The following PAXX variants were observed in gnomAD, a reference collection of about 807,000 sequenced individuals.
PAXX encodes the protein protein PAXX.
PAXX carries 27 observed loss-of-function variants against 25.6 expected under a neutral mutation model. The ratio of observed to expected loss-of-function variants is 1.06; its 90% CI spans 0.78 to 1.46. The LOEUF (loss-of-function observed/expected upper bound fraction) is 1.46. PAXX is among the 40% of genes most tolerant of loss of function. PAXX has a pLI of 0.00. For missense variants in PAXX, 295 were observed against 280.2 expected (o/e 1.05, Z -0.38); for synonymous variants, 126 against 125.7 (o/e 1.00, Z -0.02).
intron 5 of PAXX, 40 bp from the exon 6 acceptor site, chr9:136,993,540 T>C: frequency 1.9e-6 from 3 of 1,609,528 alleles, no homozygotes; most frequent in Non-Finnish European, 2.6e-6. Flanking sequence ...GTTGGGATGC[T>C]GCCAGGTTCA....
intron 2 of PAXX, 41 bp from the exon 3 acceptor site, chr9:136,992,884 C>G (rs780263750): frequency 6.2e-7 from 1 of 1,612,844 alleles, no homozygotes; most frequent in Non-Finnish European, 8.5e-7. Flanking sequence ...CAGTGGGCCT[C>G]GGGTTCCAGG....
rs763739555 is a variant in PAXX at position 136,993,580 on chromosome 9, A to T, written c.491A>T (p.Asp164Val). 6.2e-7 allele frequency: 1 copy of T among 1,613,670 alleles called. No individual in the cohort carries two copies. The highest frequency in any genetic ancestry group is 8.5e-7 in the Non-Finnish European group (1 of 1,179,948). The change falls in exon 6 of 7, where the codon GAC becomes GTC. Residue 164 changes from aspartate to valine, a missense_variant and splice_region_variant. Transcript: ENST00000371620. ...CTGCCCCTGTCCTGTTTTCCCCCAG[A>T]CCCAGATCCCCAGAGAGGTGGCCCT... is the stretch of plus-strand genomic sequence containing the variant. ...RPAGPQLFLP[D>V]PDPQRGGPGP...
intron 4 of PAXX, 23 bp from the exon 5 acceptor site, chr9:136,993,320 T>C: frequency 1.3e-6 from 2 of 1,598,634 alleles, no homozygotes; most frequent in Non-Finnish European, 1.7e-6. Context: ...CTGAGTGGGG[T>C]TCCCATGGGC....
intron 5 of PAXX, 38 bp downstream of exon 5, chr9:136,993,449 C>T (rs1248523542): frequency 1.9e-6 from 3 of 1,597,014 alleles, no homozygotes; most frequent in East Asian, 2.3e-5. Flanking sequence ...TAGGGCTGTG[C>T]TCTTTAACCT....
rs2131405981 is a variant in PAXX at position 136,992,467 on chromosome 9, C to T, written c.24C>T (p.Leu8=). Residue 8 remains leucine (L), a synonymous_variant, in exon 1 of 7, where the codon CTC becomes CTT. Coordinates refer to ENST00000371620, the MANE Select transcript of PAXX (RefSeq NM_183241.3). MDPLSPP[L]CTLPPGPEPP... Reference sequence around the variant, plus strand: ...CCATGGATCCGCTGTCGCCGCCGCTCTGCACGCTGCCGCCGGGCCCCGAGC... The same window carrying T: ...CCATGGATCCGCTGTCGCCGCCGCTTTGCACGCTGCCGCCGGGCCCCGAGC... The T allele has an allele frequency of 2.9e-6, 4 of 1,377,304 alleles. No homozygotes were observed. Among genetic ancestry groups the T allele is most frequent in the Admixed American group, 3.5e-5 (1 of 28,920 alleles). 85.3% of individuals were successfully genotyped at this position (1,377,304 alleles called of 1,614,324 possible). A position where few individuals can be genotyped will look rare whatever the true frequency, so the allele number is the denominator to read the frequency against.
In PAXX at chr9:136,993,849, G is replaced by T. The variant is rs1411346741; in HGVS notation, c.*44G>T. On this transcript the variant is annotated 3_prime_UTR_variant, in exon 7 of 7. Transcript: ENST00000371620. Reference sequence around the variant, plus strand: ...GCCCCGCGGGGAGTCCGCCTATGAGGGGAGAGGCAGTCTTTGAGGCCCCCA... The same window carrying T: ...GCCCCGCGGGGAGTCCGCCTATGAGTGGAGAGGCAGTCTTTGAGGCCCCCA... The T allele has an allele frequency of 3.7e-6, 6 of 1,605,822 alleles. No individual in the cohort carries two copies. Among genetic ancestry groups the T allele is most frequent in the East Asian group, 2.2e-5 (1 of 44,838 alleles).
rs766081855 is a variant in PAXX, at chr9:136,993,754, C to T, written c.576-12C>T. On this transcript the variant is annotated splice_polypyrimidine_tract_variant and intron_variant, in intron 6 of 6. Transcript: ENST00000371620. ...ACCATAGTGCCATAGTGACACCCCTCTTCCCTCCCAGTAAGAAACCAGCTG... is the reference window on the plus strand; with the variant it reads ...ACCATAGTGCCATAGTGACACCCCTTTTCCCTCCCAGTAAGAAACCAGCTG... 10 of 1,613,868 alleles carry T rather than the reference C, an allele frequency of 6.2e-6. No individual in the cohort carries two copies. In the Admixed American group the frequency reaches 1.2e-4, roughly 19 times the overall value.
rs1462687134 is a variant in PAXX at position 136,993,240 on chromosome 9, G to T, written c.418G>T (p.Ala140Ser). ...CGTGTGGAGCCTGGAGCGGCGACTGGCAGGTAGGATTGGGGGTGGGCACCT... is the reference window on the plus strand; with the variant it reads ...CGTGTGGAGCCTGGAGCGGCGACTGTCAGGTAGGATTGGGGGTGGGCACCT... ...KRVWSLERRL[A>S]AAEETAVSPR... The change falls in exon 4 of 7, where the codon GCA becomes TCA. Residue 140 changes from alanine (A) to serine (S), a missense_variant. Physicochemically the swap from Ala to Ser is moderately conservative, Grantham distance 99. Transcript: ENST00000371620. The T allele has an allele frequency of 1.9e-6, 3 of 1,540,910 alleles. No homozygotes were observed. Among genetic ancestry groups the T allele is most frequent in the South Asian group, 1.2e-5 (1 of 81,246 alleles).
intron 3 of PAXX, 29 bp downstream of exon 3, chr9:136,993,003 G>A: frequency 4.3e-6 from 7 of 1,613,334 alleles, no homozygotes; most frequent in Admixed American, 1.7e-5. Flanking sequence ...GGAAGGACGG[G>A]TGGGGAGGAG....
Position 136,993,152 on chromosome 9 carries a change from C to A in PAXX, c.330C>A (p.Ser110=). The change falls in exon 4 of 7, where the codon TCC becomes TCA. Residue 110 remains serine, a synonymous_variant. Transcript: ENST00000371620. ...CCTCGGCACTGGCCTTTGACCTCTC[C>A]AAGGTACCAGGCCCAGAGGCAGCCC... The part of the protein sequence containing the change: ...GGPSALAFDL[S]KVPGPEAAPR... 6.3e-7 allele frequency: 1 copy of A among 1,585,698 alleles called. No individual in the cohort carries two copies.
In PAXX at chr9:136,992,993, G is replaced by A; in HGVS notation, c.230+19G>A. 1 of 1,613,436 alleles carries A rather than the reference G, an allele frequency of 6.2e-7. No individual in the cohort carries two copies. The highest frequency in any genetic ancestry group is 1.7e-5 in the Admixed American group (1 of 60,030). ...GGTTCAGGTGAGACCCAAGCAGGGA[G>A]GAAGGACGGGTGGGGAGGAGGAGGG... On this transcript the variant is annotated intron_variant, in intron 3 of 6. Coordinates refer to ENST00000371620, the MANE Select transcript of PAXX (RefSeq NM_183241.3).
intron 3 of PAXX, 31 bp downstream of exon 3, chr9:136,993,005 G>T (rs754125388): frequency 3.8e-5 from 62 of 1,613,260 alleles, no homozygotes; most frequent in Non-Finnish European, 5.1e-5. Context: ...AAGGACGGGT[G>T]GGGAGGAGGA....
In PAXX at chr9:136,992,568, T is replaced by C; in HGVS notation, c.119+6T>C. Reference sequence around the variant, plus strand: ...CGCGGCGGCTTCAACCTCTAGTGAGTGGGGGTCCGCGGGGAGGTAGGGGTG... The same window carrying C: ...CGCGGCGGCTTCAACCTCTAGTGAGCGGGGGTCCGCGGGGAGGTAGGGGTG... On this transcript the variant is annotated splice_donor_region_variant and intron_variant, in intron 1 of 6. Coordinates refer to ENST00000371620, the MANE Select transcript of PAXX (RefSeq NM_183241.3). The C allele has an allele frequency of 6.6e-7, 1 of 1,506,592 alleles. No individual in the cohort carries two copies. Among genetic ancestry groups the C allele is most frequent in the Non-Finnish European group, 8.9e-7 (1 of 1,122,924 alleles). 93.3% of individuals were successfully genotyped at this position (1,506,592 alleles called of 1,614,324 possible).
At chr9:136,992,729 C>T (rs1386643015) in intron 2 of PAXX, 29 bp downstream of exon 2, 2 of 1,542,698 alleles carry the variant, frequency 1.3e-6, no homozygotes, top group African/African-American at 1.4e-5. Context: ...CTGGGAGCCG[C>T]CACACCCCTC....
At chr9:136,992,901 G>T in intron 2 of PAXX, 24 bp from the exon 3 acceptor site, 1 of 1,613,300 alleles carries the variant, frequency 6.2e-7, no homozygotes, top group Non-Finnish European at 8.5e-7. Flanking sequence ...CAGGCAGCTC[G>T]TGACAAGCCC....
rs1005371154 is a variant in PAXX at position 136,993,551 on chromosome 9, G to A, written c.491-29G>A. 4 of 1,612,322 alleles carry A rather than the reference G, an allele frequency of 2.5e-6. No individual in the cohort carries two copies. The African/African-American group carries it at 5.3e-5, about 22-fold the overall frequency. ...TGTGGTTGGGATGCTGCCAGGTTCA[G>A]GAGCTGCCCCTGTCCTGTTTTCCCC... On this transcript the variant is annotated intron_variant, in intron 5 of 6. Transcript: ENST00000371620.
chr9:136,992,463 CG>C lies in PAXX; in HGVS notation c.21del (p.Leu8SerfsTer34), dbSNP rs2131405971. The C allele has an allele frequency of 7.5e-7, 1 of 1,340,264 alleles. No individual in the cohort carries two copies. The highest frequency in any genetic ancestry group is 3.8e-5 in the Admixed American group (1 of 26,472). 83.0% of individuals were successfully genotyped at this position (1,340,264 alleles called of 1,614,324 possible). A position where few individuals can be genotyped will look rare whatever the true frequency, so the allele number is the denominator to read the frequency against. ...GGCGCCATGGATCCGCTGTCGCCGC[CG>C]CTCTGCACGCTGCCGCCGGGCCCCG... MDPLSP[P>X]LCTLPPGPEP... On this transcript the variant is annotated frameshift_variant, in exon 1 of 7. Transcript: ENST00000371620. LOFTEE classifies it high-confidence loss of function.
In PAXX at chr9:136,993,081, C is replaced by G; in HGVS notation, c.259C>G (p.Leu87Val). 6.2e-7 allele frequency: 1 copy of G among 1,611,464 alleles called. No individual in the cohort carries two copies. Among genetic ancestry groups the G allele is most frequent in the African/African-American group, 1.3e-5 (1 of 75,062 alleles). ...RAACEQQAVA[L>V]TLQEDRASLT... ...AGCCTGTGAGCAGCAAGCTGTGGCT[C>G]TGACTCTGCAGGAGGACAGAGCATC... is the stretch of plus-strand genomic sequence containing the variant. Residue 87 changes from leucine to valine, a missense_variant, in exon 4 of 7, where the codon CTG (leucine) becomes GTG (valine). By Grantham distance (32) the Leu-to-Val change is conservative. Coordinates refer to ENST00000371620, the MANE Select transcript of PAXX (RefSeq NM_183241.3).
At position 136,992,658 on chromosome 9, in the gene PAXX, G is replaced by A. The variant is rs1830603213; in HGVS notation, c.138G>A (p.Glu46=). The change falls in exon 2 of 7, where the codon GAG becomes GAA. Residue 46 remains glutamate, a synonymous_variant. Transcript: ENST00000371620. The part of the protein sequence containing the change: ...GFNLYVTDAA[E]LWSTCFTPDS... ...CCCCCAGCGTGACCGACGCCGCGGA[G>A]CTTTGGAGCACCTGCTTCACGCCGG... 1 of 1,541,012 alleles carries A rather than the reference G, an allele frequency of 6.5e-7. No homozygotes were observed. The highest frequency in any genetic ancestry group is 8.7e-7 in the Non-Finnish European group (1 of 1,146,844).
Sources: gnomAD v4.1 joint callset for allele counts on GRCh38, gnomAD v4.1.1 for gene constraint, MANE v1.5 for transcripts, NCBI Gene and HGNC (gene_info 2026-07-23, HGNC 2026-07-21) for gene names.